Variants in CDK14 observed in about 807,000 individuals in gnomAD.
CDK14 encodes cyclin-dependent kinase 14.
In CDK14, 34 loss-of-function variants were observed where a neutral mutation model predicts 60.7. The ratio of observed to expected loss-of-function variants is 0.56; its 90% CI spans 0.43 to 0.75. The LOEUF (loss-of-function observed/expected upper bound fraction) is 0.75. Among genes scored for constraint, CDK14 ranks in the 30% least tolerant of loss-of-function variants. The pLI is 0.00. For synonymous variants in CDK14, 197 were observed against 203.7 expected (o/e 0.97, Z 0.28); for missense variants, 482 against 564.1 (o/e 0.85, Z 1.47).
intron 6 of CDK14, among the ~76,000 whole-genome samples, chr7:90,898,874 A>T (rs1792416067): frequency 6.6e-6 from 1 of 151,954 alleles, no homozygotes; most frequent in African/African-American, 2.4e-5. Flanking sequence ...AGTAGAATAT[A>T]TTTGTGGTAT....
At chr7:91,010,014 T>C (rs1342783015) in intron 10 of CDK14, among the ~76,000 whole-genome samples, 1 of 152,144 alleles carries the variant, frequency 6.6e-6, no homozygotes, top group African/African-American at 2.4e-5. Context: ...ATATAGTTTT[T>C]TAATTTTTCC....
chr7:90,937,988 G>A (rs1285865068), intron 8 of CDK14, among the ~76,000 whole-genome samples: 1 of 152,182 alleles, frequency 6.6e-6, no homozygotes, highest in Non-Finnish European at 1.5e-5. Context: ...ACAAAGCGTA[G>A]CTAGAGTAAG....
At chr7:90,856,566 G>A (rs561869237) in intron 5 of CDK14, among the ~76,000 whole-genome samples, 1 of 152,238 alleles carries the variant, frequency 6.6e-6, no homozygotes, top group Middle Eastern at 3.4e-3. Flanking sequence ...AGTGCTCAGC[G>A]TACGCACATG....
intron 11 of CDK14, among the ~76,000 whole-genome samples, chr7:91,068,818 A>C (rs1292632934): frequency 6.7e-6 from 1 of 149,458 alleles, no homozygotes; most frequent in Non-Finnish European, 1.5e-5. Flanking sequence ...AAAAAAAAAA[A>C]AAAAAAAAAA....
chr7:90,876,697 C>T (rs756558573), intron 6 of CDK14, among the ~76,000 whole-genome samples: 9 of 152,192 alleles, frequency 5.9e-5, no homozygotes, highest in Non-Finnish European at 1.2e-4. Context: ...CAGGAGAATA[C>T]AAGGTAGATC....
In CDK14 at chr7:91,190,526, A is replaced by G. The variant is rs116270922; in HGVS notation, c.*29-16639A>G. On this transcript the variant is annotated intron_variant, in intron 14 of 14. Transcript: ENST00000380050. Reference sequence around the variant, plus strand: ...GTTTTTGAAGTCGGAGTTTCACTCTATCACCCAGGCTGGGGTGCAGTGGCA... The same window carrying G: ...GTTTTTGAAGTCGGAGTTTCACTCTGTCACCCAGGCTGGGGTGCAGTGGCA... Among the ~76,000 whole-genome samples the G allele has an allele frequency of 4.7e-3, 711 of 152,260 alleles. 12 individuals carry two copies. The highest frequency in any genetic ancestry group is 0.016 in the African/African-American group (669 of 41,540).
chr7:90,853,440 A>G (rs1790714289), intron 5 of CDK14, among the ~76,000 whole-genome samples: 1 of 152,176 alleles, frequency 6.6e-6, no homozygotes, highest in African/African-American at 2.4e-5. Flanking sequence ...AGATACATGA[A>G]CTGAGGGACT....
intron 9 of CDK14, among the ~76,000 whole-genome samples, chr7:90,966,359 C>G (rs972869722): frequency 2.6e-5 from 4 of 152,130 alleles, no homozygotes; most frequent in Admixed American, 2.6e-4. Flanking sequence ...AATCTATACA[C>G]TTAGAAGGGC....
At chr7:91,110,455 A>G (rs1160365910) in intron 12 of CDK14, among the ~76,000 whole-genome samples, 1 of 152,160 alleles carries the variant, frequency 6.6e-6, no homozygotes, top group Admixed American at 6.5e-5. Context: ...GATGTGATTC[A>G]TGGCTTCTTG....
At chr7:90,979,470 C>A (rs1379424116) in intron 9 of CDK14, 4 of 152,170 alleles carry the variant, frequency 2.6e-5, no homozygotes, top group Non-Finnish European at 5.9e-5. Context: ...ACCCTACACT[C>A]TGAGGTAAGC....
intron 5 of CDK14, among the ~76,000 whole-genome samples, chr7:90,817,881 A>G (rs1789407186): frequency 6.6e-6 from 1 of 152,130 alleles, no homozygotes; most frequent in Non-Finnish European, 1.5e-5. Flanking sequence ...CATTTGGATT[A>G]TTCCGGATGG....
chr7:90,824,919 G>A (rs1478431660), intron 5 of CDK14, among the ~76,000 whole-genome samples: 1 of 152,118 alleles, frequency 6.6e-6, no homozygotes, highest in Non-Finnish European at 1.5e-5. Context: ...ATTGCCTTTT[G>A]CTGGCAATAT....
chr7:91,076,788 CT>C (rs1165635247), intron 11 of CDK14, among the ~76,000 whole-genome samples: 1 of 152,082 alleles, frequency 6.6e-6, no homozygotes, highest in East Asian at 1.9e-4. Context: ...CTACAAGGAA[CT>C]TAAACAGATT....
At chr7:91,146,480 C>T (rs936812553) in intron 14 of CDK14, among the ~76,000 whole-genome samples, 11 of 152,104 alleles carry the variant, frequency 7.2e-5, no homozygotes, top group African/African-American at 1.9e-4. Flanking sequence ...GGTTCACAGG[C>T]GTGAGCCACC....
At chr7:91,020,694 A>G (rs1001319041) in intron 10 of CDK14, among the ~76,000 whole-genome samples, 5 of 152,146 alleles carry the variant, frequency 3.3e-5, no homozygotes, top group Non-Finnish European at 2.9e-5. Context: ...TAGTTTTGCA[A>G]TCTTGGACAT....
In CDK14 at chr7:90,887,718, A is replaced by T. The variant is rs559940535; in HGVS notation, c.640-11573A>T. ...ATCTTAATAACATTGCTTCTAATAC[A>T]TTCCTCTGAATTTTCTCTTGGAACA... On this transcript the variant is annotated intron_variant, in intron 6 of 14. Coordinates refer to ENST00000380050, the MANE Select transcript of CDK14 (RefSeq NM_001287135.2). Among the ~76,000 whole-genome samples the T allele has an allele frequency of 2.0e-5, 3 of 152,288 alleles. No individual in the cohort carries two copies. The East Asian group carries it at 5.8e-4, about 29-fold the overall frequency.
At chr7:90,621,824 A>G (rs560683552) in intron 2 of CDK14, among the ~76,000 whole-genome samples, 1 of 152,174 alleles carries the variant, frequency 6.6e-6, no homozygotes, top group East Asian at 1.9e-4. Context: ...TTCTATTTTT[A>G]CAGATGGGGA....
At chr7:90,963,674 A>G (rs1166026247) in intron 9 of CDK14, among the ~76,000 whole-genome samples, 1 of 140,118 alleles carries the variant, frequency 7.1e-6, no homozygotes, top group Non-Finnish European at 1.6e-5. Context: ...GTGAAGGAAG[A>G]CAAAGGTTTT....
chr7:90,674,143 CTT>C (rs1801152462), intron 2 of CDK14, among the ~76,000 whole-genome samples: 1 of 151,826 alleles, frequency 6.6e-6, no homozygotes, highest in African/African-American at 2.4e-5. Context: ...CTGAATGAGT[CTT>C]AATGAGAGGG....
Sources: gnomAD v4.1 joint callset for allele counts (sites outside exome capture counted in the v4.1 genomes callset) on GRCh38, gnomAD v4.1.1 for gene constraint, MANE v1.5 for transcripts, NCBI Gene and HGNC (gene_info 2026-07-23, HGNC 2026-07-21) for gene names.